CFLAR: variants seen among roughly 807,000 people sequenced by gnomAD.
CFLAR encodes the protein CASP8 and FADD-like apoptosis regulator.
A neutral mutation model predicts 51.1 loss-of-function variants in CFLAR; 14 were observed. That is an observed-to-expected ratio of 0.27 (90% CI 0.18 to 0.43). CFLAR has a LOEUF of 0.43. Ranked by LOEUF, CFLAR falls within the 20% of genes least tolerant of loss-of-function variation. The probability of loss-of-function intolerance (pLI) is 1.00; values close to 1 mark genes in which losing one functional copy is unlikely to be tolerated. For synonymous variants in CFLAR, 210 were observed against 211.6 expected, an observed-to-expected ratio of 0.99 and a Z score of 0.06; for missense variants, 390 against 566.5, an observed-to-expected ratio of 0.69 and a Z score of 3.16.
intron 5 of CFLAR, chr2:201,141,316 T>C: frequency 1.3e-6 from 2 of 1,531,124 alleles, no homozygotes; most frequent in Non-Finnish European, 1.8e-6. Context: ...GTTCATTCTG[T>C]AACTATCCAG....
At chr2:201,122,877 C>T (rs558884313) in intron 1 of CFLAR, 80 of 152,178 alleles carry the variant, frequency 5.3e-4, no homozygotes, top group African/African-American at 1.8e-3. Flanking sequence ...ATGGGTTGGG[C>T]TGAAGTGGGG....
Position 201,163,768 on chromosome 2 carries a change from G to C in CFLAR, c.1305-67G>C, listed in dbSNP as rs72931066. On this transcript the variant is annotated intron_variant, in intron 9 of 9. Coordinates refer to ENST00000309955, the MANE Select transcript of CFLAR (RefSeq NM_003879.7). ...ACTTTCACATCTGTTGGCTCATTTC[G>C]CCCTAATGACAGTCTTCTCTTTGAT... is the stretch of plus-strand genomic sequence containing the variant. 6 of 1,551,532 alleles carry C rather than the reference G, an allele frequency of 3.9e-6. No homozygotes were observed. The African/African-American group carries it at 8.3e-5, about 21-fold the overall frequency.
At chr2:201,155,912 A>G (rs368131538) in intron 8 of CFLAR, among the ~76,000 whole-genome samples, 2 of 152,080 alleles carry the variant, frequency 1.3e-5, no homozygotes, top group African/African-American at 4.8e-5. Flanking sequence ...GGCACATGCT[A>G]TCATGTCTGG....
chr2:201,132,152 C>T (rs2049398633), intron 2 of CFLAR, among the ~76,000 whole-genome samples: 1 of 152,012 alleles, frequency 6.6e-6, no homozygotes, highest in Non-Finnish European at 1.5e-5. Context: ...AGTGGAGATT[C>T]TTCAGGCCCT....
intron 1 of CFLAR, among the ~76,000 whole-genome samples, chr2:201,127,016 G>A (rs1457210938): frequency 2.0e-5 from 3 of 152,196 alleles, no homozygotes; most frequent in African/African-American, 7.2e-5. Flanking sequence ...AAGAAGGGGA[G>A]ATATAGTCAT....
intron 1 of CFLAR, among the ~76,000 whole-genome samples, chr2:201,123,579 G>C (rs1022837159): frequency 6.6e-6 from 1 of 152,126 alleles, no homozygotes; most frequent in Non-Finnish European, 1.5e-5. Context: ...GGAGGGAGGC[G>C]CCTCCAGGGA....
At chr2:201,145,979 T>G (rs1012609655) in intron 6 of CFLAR, among the ~76,000 whole-genome samples, 1 of 152,056 alleles carries the variant, frequency 6.6e-6, no homozygotes, top group Non-Finnish European at 1.5e-5. Context: ...CTCTTTTTTT[T>G]TTTTGGAGAC....
intron 5 of CFLAR, among the ~76,000 whole-genome samples, chr2:201,143,095 A>G (rs561323664): frequency 2.6e-5 from 4 of 152,212 alleles, no homozygotes; most frequent in South Asian, 4.1e-4. Flanking sequence ...TTGTGTTTCT[A>G]TTTTGTAAAT....
At chr2:201,139,021 G>A (rs1313861778) in intron 4 of CFLAR, 3 of 472,096 alleles carry the variant, frequency 6.4e-6, no homozygotes, top group Non-Finnish European at 1.2e-5. Flanking sequence ...AAGAAAGAGA[G>A]ATCAGATTGT....
intron 2 of CFLAR, 30 bp downstream of exon 2, chr2:201,130,176 T>TGGTGGGGG: frequency 3.0e-5 from 2 of 66,726 alleles, no homozygotes. Context: ...TGAGGCTGGG[T>TGGTGGGGG]GGGTGGGAGG....
At chr2:201,146,901 C>T (rs1432721264) in intron 6 of CFLAR, among the ~76,000 whole-genome samples, 1 of 152,198 alleles carries the variant, frequency 6.6e-6, no homozygotes, top group Non-Finnish European at 1.5e-5. Flanking sequence ...TGGTGTAGCT[C>T]ATGTCTGTCA....
intron 5 of CFLAR, chr2:201,141,433 A>G: frequency 4.5e-6 from 7 of 1,554,634 alleles, no homozygotes; most frequent in Non-Finnish European, 6.1e-6. Context: ...GTTCCATGTG[A>G]TTAACATGGA....
intron 8 of CFLAR, among the ~76,000 whole-genome samples, chr2:201,155,266 GTT>G (rs879559939): frequency 1.4e-5 from 2 of 145,294 alleles, no homozygotes; most frequent in Non-Finnish European, 1.5e-5. Context: ...TTAAGAGGAA[GTT>G]TTTTTTTTTT....
rs1943828534 is a variant in CFLAR at position 201,168,809 on chromosome 2, C to CTATA, written c.*4837_*4840dup. 6.6e-6 allele frequency: 1 copy of CTATA among 152,094 alleles called. No individual in the cohort carries two copies. Among genetic ancestry groups the CTATA allele is most frequent in the African/African-American group, 2.4e-5 (1 of 41,404 alleles). 9.4% of individuals were successfully genotyped at this position (152,094 alleles called of 1,614,324 possible). On this transcript the variant is annotated 3_prime_UTR_variant, in exon 10 of 10. Transcript: ENST00000309955. ...TCAATGTGCAGAAATCACAAGCATT[C>CTATA]TATACACCAACAATACACAAGCAGA... is the stretch of plus-strand genomic sequence containing the variant.
chr2:201,172,622 A>G lies in CFLAR; in HGVS notation c.*8649A>G, dbSNP rs1335647267. 1.3e-5 allele frequency: 2 copies of G among 152,094 alleles called. No homozygotes were observed. Among genetic ancestry groups the G allele is most frequent in the African/African-American group, 4.8e-5 (2 of 41,404 alleles). 9.4% of individuals were successfully genotyped at this position (152,094 alleles called of 1,614,324 possible). On this transcript the variant is annotated 3_prime_UTR_variant, in exon 10 of 10. Coordinates refer to ENST00000309955, the MANE Select transcript of CFLAR (RefSeq NM_003879.7). ...CAATAATCCATTTTCTGTCTCTATGATTTGCCTGTTCTAGATATTTTATAA... is the reference window on the plus strand; with the variant it reads ...CAATAATCCATTTTCTGTCTCTATGGTTTGCCTGTTCTAGATATTTTATAA...
Position 201,130,008 on chromosome 2 carries a change from G to A in CFLAR, c.143G>A (p.Gly48Asp), listed in dbSNP as rs2049084153. 4 of 1,614,130 alleles carry A rather than the reference G, an allele frequency of 2.5e-6. No homozygotes were observed. Among genetic ancestry groups the A allele is most frequent in the Non-Finnish European group, 3.4e-6 (4 of 1,180,024 alleles). The change falls in exon 2 of 10, where the codon GGT becomes GAT. Residue 48 changes from glycine (G) to aspartate (D), a missense_variant. Physicochemically the swap from Gly to Asp is moderately conservative, Grantham distance 94. Coordinates refer to ENST00000309955, the MANE Select transcript of CFLAR (RefSeq NM_003879.7). ...RDLLDILRER[G>D]KLSVGDLAEL... Reference sequence around the variant, plus strand: ...CTTCTGGATATTTTACGGGAAAGAGGTAAGCTGTCTGTCGGGGACTTGGCT... The same window carrying A: ...CTTCTGGATATTTTACGGGAAAGAGATAAGCTGTCTGTCGGGGACTTGGCT...
chr2:201,152,615 C>A (rs1438631177), intron 8 of CFLAR, among the ~76,000 whole-genome samples: 1 of 152,172 alleles, frequency 6.6e-6, no homozygotes, highest in Non-Finnish European at 1.5e-5. Flanking sequence ...GAGACCAGGG[C>A]ACTGAGGCCT....
chr2:201,120,974 A>G (rs2048140569), intron 1 of CFLAR, among the ~76,000 whole-genome samples: 1 of 152,164 alleles, frequency 6.6e-6, no homozygotes, highest in Non-Finnish European at 1.5e-5. Context: ...CTCCTTCAGC[A>G]TTTACTGAGC....
chr2:201,138,153 C>A lies in CFLAR; in HGVS notation c.523+2046C>A, dbSNP rs868581753. On this transcript the variant is annotated intron_variant, in intron 4 of 9. Transcript: ENST00000309955. This position sits in a 1 kb window ranked among gnomAD's most constrained non-coding sequence, Gnocchi z 4.0. Reference sequence around the variant, plus strand: ...TTGTTGGCCTGGGCTGCTGTCACCACGTTCCCCCCAATCACCTGGAGGTGG... The same window carrying A: ...TTGTTGGCCTGGGCTGCTGTCACCAAGTTCCCCCCAATCACCTGGAGGTGG... 3.5e-6 allele frequency: 3 copies of A among 868,944 alleles called. No homozygotes were observed. Among genetic ancestry groups the A allele is most frequent in the Non-Finnish European group, 4.0e-6 (2 of 505,674 alleles). 53.8% of individuals were successfully genotyped at this position (868,944 alleles called of 1,614,324 possible).
Sources: gnomAD v4.1 joint callset for allele counts (sites outside exome capture counted in the v4.1 genomes callset) on GRCh38, gnomAD v4.1.1 for gene constraint, Gnocchi (gnomAD v3.1) non-coding constraint, MANE v1.5 for transcripts, NCBI Gene and HGNC (gene_info 2026-07-23, HGNC 2026-07-21) for gene names.